KCNG4: variants seen among roughly 807,000 people sequenced by gnomAD.
KCNG4 encodes the protein potassium voltage-gated channel modifier subfamily G member 4.
A neutral mutation model predicts 28.2 loss-of-function variants in KCNG4; 30 were observed. The ratio of observed to expected loss-of-function variants is 1.06; its 90% CI spans 0.80 to 1.44. The LOEUF (loss-of-function observed/expected upper bound fraction) is 1.44, where lower values mean the gene tolerates loss of function less well. KCNG4 is among the 40% of genes most tolerant of loss of function. The pLI, the probability that KCNG4 is intolerant of heterozygous loss-of-function variation, is 0.00. For missense variants in KCNG4, 879 were observed against 712.3 expected, an observed-to-expected ratio of 1.23 and a Z score of -2.66; for synonymous variants, 375 against 315.5, an observed-to-expected ratio of 1.19 and a Z score of -2.00.
intron 2 of KCNG4, among the ~76,000 whole-genome samples, chr16:84,227,347 C>T (rs1299048214): frequency 1.3e-5 from 2 of 152,132 alleles, no homozygotes; most frequent in African/African-American, 4.8e-5. Context: ...GAAGCCGAGG[C>T]GGGTGGATCA....
In KCNG4 at chr16:84,226,355, G is replaced by A. The variant is rs1294066358; in HGVS notation, c.757-3335C>T. Among the ~76,000 whole-genome samples the A allele has an allele frequency of 6.6e-6, 1 of 152,210 alleles. No individual in the cohort carries two copies. Among genetic ancestry groups the A allele is most frequent in the Non-Finnish European group, 1.5e-5 (1 of 68,028 alleles). On this transcript the variant is annotated intron_variant, in intron 2 of 2. Transcript: ENST00000308251. This position sits in a 1 kb window ranked among gnomAD's most constrained non-coding sequence, Gnocchi z 4.1. ...AGAACAGTGGCTGCCTCTGGGTAGT[G>A]TAGGGATGGCCTGTGAAGGGCCACG...
intron 2 of KCNG4, among the ~76,000 whole-genome samples, chr16:84,231,185 G>A (rs184492281): frequency 3.9e-5 from 6 of 152,312 alleles, no homozygotes; most frequent in Non-Finnish European, 7.4e-5. Context: ...CCTCAGCACC[G>A]CCCTCTGAAT....
chr16:84,236,456 G>A, intron 2 of KCNG4: 1 of 502,902 alleles, frequency 2.0e-6, no homozygotes, highest in South Asian at 3.5e-5. Flanking sequence ...TGTCTGTGTG[G>A]CCCACTGAGT....
chr16:84,234,942 A>G (rs866797749), intron 2 of KCNG4, among the ~76,000 whole-genome samples: 14 of 152,192 alleles, frequency 9.2e-5, no homozygotes, highest in Non-Finnish European at 2.1e-4. Context: ...CTCTCTGGGC[A>G]GCACCTCAGC....
chr16:84,237,779 G>A (rs192895126), intron 1 of KCNG4, among the ~76,000 whole-genome samples: 1 of 152,284 alleles, frequency 6.6e-6, no homozygotes, highest in South Asian at 2.1e-4. Flanking sequence ...CAGAATAGAC[G>A]TTGCACGGAT....
At position 84,226,811 on chromosome 16, in the gene KCNG4, G is replaced by A. The variant is rs1273440124; in HGVS notation, c.757-3791C>T. ...GGAGAATGGCTTGGACCTGGTAGGC[G>A]GAGGTTGCAGTGAGCCGAGATTGCA... On this transcript the variant is annotated intron_variant, in intron 2 of 2. Transcript: ENST00000308251. The surrounding 1 kb of genome is among the most constrained non-coding windows in gnomAD (Gnocchi z 4.1). 2.6e-5 allele frequency among the ~76,000 whole-genome samples: 4 copies of A among 151,812 alleles called. No individual in the cohort carries two copies. The highest frequency in any genetic ancestry group is 5.9e-5 in the Non-Finnish European group (4 of 67,938).
rs1026459761 is a variant in KCNG4 at position 84,239,865 on chromosome 16, T to C, written c.-236A>G. 1 of 152,016 alleles carries C rather than the reference T, an allele frequency of 6.6e-6. No individual in the cohort carries two copies. Among genetic ancestry groups the C allele is most frequent in the African/African-American group, 2.4e-5 (1 of 41,390 alleles). The allele number at this position is 152,016 out of a possible 1,614,324, so 9.4% of individuals were successfully genotyped here. A position where few individuals can be genotyped will look rare whatever the true frequency, so the allele number is the denominator to read the frequency against. On this transcript the variant is annotated 5_prime_UTR_variant, in exon 1 of 3. The change abolishes an upstream ATG in the 5' untranslated region. Coordinates refer to ENST00000308251, the MANE Select transcript of KCNG4 (RefSeq NM_172347.3). Reference sequence around the variant, plus strand: ...CCTCCAGAAACCAGAAGTTCATTCATTCTGCATCTCTCTCTCCAGCAGCTG... The same window carrying C: ...CCTCCAGAAACCAGAAGTTCATTCACTCTGCATCTCTCTCTCCAGCAGCTG...
chr16:84,230,585 A>G (rs1366367201), intron 2 of KCNG4, among the ~76,000 whole-genome samples: 1 of 152,108 alleles, frequency 6.6e-6, no homozygotes, highest in Non-Finnish European at 1.5e-5. Context: ...ATAAACAAAC[A>G]AAGAAAACTC....
chr16:84,223,515 G>T (rs1203841258), intron 2 of KCNG4, among the ~76,000 whole-genome samples: 1 of 152,098 alleles, frequency 6.6e-6, no homozygotes, highest in African/African-American at 2.4e-5. Flanking sequence ...TCTAGTTTGG[G>T]GTCTCTTTGT....
At chr16:84,237,606 G>A (rs541399134) in intron 1 of KCNG4, 81 bp from the exon 2 acceptor site, 1 of 965,576 alleles carries the variant, frequency 1.0e-6, no homozygotes, top group East Asian at 2.8e-5. Context: ...CACGACTGCA[G>A]ATGTTCTTAC....
At chr16:84,225,308 T>G (rs905494758) in intron 2 of KCNG4, among the ~76,000 whole-genome samples, 9 of 152,130 alleles carry the variant, frequency 5.9e-5, no homozygotes, top group African/African-American at 2.2e-4. Context: ...AAACTTGCTG[T>G]GTGACTTTGC....
At chr16:84,227,446 A>G (rs1036821320) in intron 2 of KCNG4, among the ~76,000 whole-genome samples, 1 of 152,156 alleles carries the variant, frequency 6.6e-6, no homozygotes, top group Non-Finnish European at 1.5e-5. Flanking sequence ...GCATGGTGGC[A>G]GGTGCCTGTG....
chr16:84,236,979 C>T lies in KCNG4; in HGVS notation c.507G>A (p.Leu169=), dbSNP rs1904975695. 6.2e-7 allele frequency: 1 copy of T among 1,613,868 alleles called. No individual in the cohort carries two copies. Among genetic ancestry groups the T allele is most frequent in the East Asian group, 2.2e-5 (1 of 44,878 alleles). ...RCCLRKLLRK[L]EELEELAKLH... ...GCTTGGCCAGCTCCTCCAGCTCCTC[C>T]AGCTTCCTCAGCAGCTTCCGCAGGC... Residue 169 remains leucine, a synonymous_variant, in exon 2 of 3, where the codon CTG becomes CTA. Transcript: ENST00000308251.
chr16:84,218,780 A>G lies in KCNG4; in HGVS notation c.*3437T>C, dbSNP rs1904489702. ...TCAACTGGGTGAACATTAAGACACT[A>G]TAGAATCTCATAATGGTGGTGGTGC... On this transcript the variant is annotated 3_prime_UTR_variant, in exon 3 of 3. Transcript: ENST00000308251. 6.6e-6 allele frequency: 1 copy of G among 152,240 alleles called. No individual in the cohort carries two copies. The highest frequency in any genetic ancestry group is 6.5e-5 in the Admixed American group (1 of 15,282). 9.4% of individuals were successfully genotyped at this position (152,240 alleles called of 1,614,324 possible). A position where few individuals can be genotyped will look rare whatever the true frequency, so the allele number is the denominator to read the frequency against.
In KCNG4 at chr16:84,221,997, G is replaced by T; in HGVS notation, c.*220C>A. 2 of 579,822 alleles carry T rather than the reference G, an allele frequency of 3.4e-6. No homozygotes were observed. Among genetic ancestry groups the T allele is most frequent in the Non-Finnish European group, 6.1e-6 (2 of 326,156 alleles). 35.9% of individuals were successfully genotyped at this position (579,822 alleles called of 1,614,324 possible). On this transcript the variant is annotated 3_prime_UTR_variant, in exon 3 of 3. Coordinates refer to ENST00000308251, the MANE Select transcript of KCNG4 (RefSeq NM_172347.3). ...CATGCTCAGTAGATGGGCAGAGAGA[G>T]GAAAAGGCAAGCAGGCTGGACACAG... is the stretch of plus-strand genomic sequence containing the variant.
chr16:84,226,095 G>C lies in KCNG4; in HGVS notation c.757-3075C>G, dbSNP rs11648537. On this transcript the variant is annotated intron_variant, in intron 2 of 2. Transcript: ENST00000308251. The surrounding 1 kb of genome is among the most constrained non-coding windows in gnomAD (Gnocchi z 4.1). The stretch of plus-strand genomic sequence containing the variant: ...AACCCCCTGGGCCCTGGGCACACCG[G>C]GATGGTTGGTCACCCTATTCCTAGC... 1.3e-5 allele frequency among the ~76,000 whole-genome samples: 2 copies of C among 152,148 alleles called. No individual in the cohort carries two copies. The highest frequency in any genetic ancestry group is 4.8e-5 in the African/African-American group (2 of 41,434).
Position 84,223,006 on chromosome 16 carries a change from C to T in KCNG4, c.771G>A (p.Arg257=). Residue 257 remains arginine, a synonymous_variant, in exon 3 of 3, where the codon CGG becomes CGA. Transcript: ENST00000308251. ...CCACGATGAAAATATAGTAGCACTT[C>T]CGAGAGCATTCGCCCTGCGGGGAGA... ...RAEEDQGECS[R]KCYYIFIVET... 1 of 1,527,950 alleles carries T rather than the reference C, an allele frequency of 6.5e-7. No homozygotes were observed. 94.6% of individuals were successfully genotyped at this position (1,527,950 alleles called of 1,614,324 possible).
intron 2 of KCNG4, 29 bp downstream of exon 2, chr16:84,236,701 A>G: frequency 6.3e-7 from 1 of 1,583,924 alleles, no homozygotes; most frequent in Non-Finnish European, 8.6e-7. Flanking sequence ...TGCGGGATGG[A>G]GCCGTGAATG....
Position 84,237,505 on chromosome 16 carries a change from G to A in KCNG4, c.-20C>T. On this transcript the variant is annotated 5_prime_UTR_variant, in exon 2 of 3. Transcript: ENST00000308251. Reference sequence around the variant, plus strand: ...GGGCATTGCTGAAGACCACCAGGTAGGAAGCGCTGGGTTTACCAGTCTGAC... The same window carrying A: ...GGGCATTGCTGAAGACCACCAGGTAAGAAGCGCTGGGTTTACCAGTCTGAC... 2.0e-6 allele frequency: 3 copies of A among 1,475,470 alleles called. No individual in the cohort carries two copies. The highest frequency in any genetic ancestry group is 2.7e-6 in the Non-Finnish European group (3 of 1,114,182). 91.4% of individuals were successfully genotyped at this position (1,475,470 alleles called of 1,614,324 possible). A position where few individuals can be genotyped will look rare whatever the true frequency, so the allele number is the denominator to read the frequency against.
Sources: gnomAD v4.1 joint callset for allele counts (sites outside exome capture counted in the v4.1 genomes callset) on GRCh38, gnomAD v4.1.1 for gene constraint, Gnocchi (gnomAD v3.1) non-coding constraint, MANE v1.5 for transcripts, NCBI Gene and HGNC (gene_info 2026-07-23, HGNC 2026-07-21) for gene names.